NEBL: variants seen among roughly 807,000 people sequenced by gnomAD.
NEBL encodes LIM and SH3 protein 2.
Under a neutral mutation model 140.2 loss-of-function variants are expected in NEBL, and 122 were observed. The ratio of observed to expected loss-of-function variants is 0.87; its 90% CI spans 0.75 to 1.01. The LOEUF is 1.01. Ranked by LOEUF, NEBL falls within the 50% of genes least tolerant of loss-of-function variation. The pLI is 0.00. For missense variants in NEBL, 1,365 were observed against 1,231.3 expected (o/e 1.11, Z -1.62); for synonymous variants, 436 against 398.9 (o/e 1.09, Z -1.11).
intron 4 of NEBL, among the ~76,000 whole-genome samples, chr10:20,958,571 C>A (rs1482506793): frequency 1.3e-5 from 2 of 152,110 alleles, no homozygotes; most frequent in Non-Finnish European, 2.9e-5. Flanking sequence ...GCAACCAAAC[C>A]CCATCTGAAT....
At chr10:21,046,570 C>T (rs928963252) in intron 2 of NEBL, among the ~76,000 whole-genome samples, 10 of 152,136 alleles carry the variant, frequency 6.6e-5, no homozygotes, top group Admixed American at 2.0e-4. Context: ...GATTCTTTAG[C>T]GGCAGGTTAT....
At chr10:21,065,571 G>C (rs1835497005) in intron 2 of NEBL, among the ~76,000 whole-genome samples, 1 of 152,212 alleles carries the variant, frequency 6.6e-6, no homozygotes, top group Non-Finnish European at 1.5e-5. Flanking sequence ...GGTAGAAACT[G>C]TGCTAAAACA....
intron 3 of NEBL, among the ~76,000 whole-genome samples, chr10:21,197,428 T>A (rs1398723275): frequency 6.6e-6 from 1 of 152,212 alleles, no homozygotes; most frequent in Non-Finnish European, 1.5e-5. Flanking sequence ...CATTGATCCA[T>A]GTTTGTATAT....
At chr10:21,038,301 G>A (rs970172362) in intron 2 of NEBL, among the ~76,000 whole-genome samples, 8 of 152,218 alleles carry the variant, frequency 5.3e-5, no homozygotes, top group Non-Finnish European at 8.8e-5. Flanking sequence ...CTATCAACCC[G>A]TTATCTAGGT....
intron 2 of NEBL, among the ~76,000 whole-genome samples, chr10:21,075,095 G>A (rs1253960533): frequency 6.6e-6 from 1 of 151,954 alleles, no homozygotes; most frequent in Admixed American, 6.6e-5. Flanking sequence ...TGTGAGCCAC[G>A]ACACCCAGCC....
At chr10:21,227,035 T>C (rs371782154) in intron 3 of NEBL, among the ~76,000 whole-genome samples, 2 of 152,158 alleles carry the variant, frequency 1.3e-5, no homozygotes, top group South Asian at 2.1e-4. Context: ...ATTTCACCAA[T>C]TCAATTCTTA....
chr10:21,002,016 T>C (rs1180477877), intron 3 of NEBL, among the ~76,000 whole-genome samples: 1 of 152,158 alleles, frequency 6.6e-6, no homozygotes, highest in Non-Finnish European at 1.5e-5. Flanking sequence ...ATTAAGGTGA[T>C]TTGTTAGTTA....
At chr10:21,031,707 C>T (rs942560180) in intron 2 of NEBL, among the ~76,000 whole-genome samples, 4 of 152,202 alleles carry the variant, frequency 2.6e-5, no homozygotes, top group Non-Finnish European at 4.4e-5. Flanking sequence ...GGCAGTTTCT[C>T]CTTCTACCAT....
At chr10:21,122,425 G>T (rs1838623783) in intron 2 of NEBL, among the ~76,000 whole-genome samples, 1 of 152,070 alleles carries the variant, frequency 6.6e-6, no homozygotes, top group Admixed American at 6.6e-5. Flanking sequence ...AGTGACCTGA[G>T]AGTCTCACTT....
chr10:20,849,601 C>T (rs999587881), intron 11 of NEBL, among the ~76,000 whole-genome samples: 2 of 152,162 alleles, frequency 1.3e-5, no homozygotes, highest in African/African-American at 4.8e-5. Context: ...CACTCTCTGT[C>T]TTTCCACCTT....
At chr10:20,960,652 T>A (rs1836008951) in intron 4 of NEBL, among the ~76,000 whole-genome samples, 1 of 152,076 alleles carries the variant, frequency 6.6e-6, no homozygotes, top group African/African-American at 2.4e-5. Context: ...TGTATATGTG[T>A]GTATATATAC....
chr10:20,865,573 C>A (rs776814896), intron 7 of NEBL, among the ~76,000 whole-genome samples: 2 of 151,968 alleles, frequency 1.3e-5, no homozygotes, highest in Non-Finnish European at 2.9e-5. Context: ...ATCTTTGTCC[C>A]CAGAAAAGGG....
intron 2 of NEBL, among the ~76,000 whole-genome samples, chr10:20,895,321 TAAC>T (rs534497307): frequency 1.5e-3 from 230 of 152,160 alleles, no homozygotes; most frequent in African/African-American, 5.3e-3. Context: ...CTAATAATAG[TAAC>T]ATAATAATAA....
chr10:21,243,200 T>A (rs762759830), intron 3 of NEBL, among the ~76,000 whole-genome samples: 4 of 152,036 alleles, frequency 2.6e-5, no homozygotes, highest in African/African-American at 4.8e-5. Flanking sequence ...TAGACATCCA[T>A]TCAAGATATC....
chr10:21,276,315 T>C (rs902137642), intron 1 of NEBL, among the ~76,000 whole-genome samples: 3 of 152,138 alleles, frequency 2.0e-5, no homozygotes, highest in Non-Finnish European at 1.5e-5. Context: ...AGAATTTTTC[T>C]TCTACATGTC....
intron 2 of NEBL, among the ~76,000 whole-genome samples, chr10:21,050,264 T>A (rs1478275269): frequency 6.6e-6 from 1 of 152,262 alleles, no homozygotes; most frequent in African/African-American, 2.4e-5. Flanking sequence ...GGAAACTATC[T>A]GATTTCTGTT....
intron 1 of NEBL, among the ~76,000 whole-genome samples, chr10:21,263,087 A>G (rs1386245061): frequency 6.6e-6 from 1 of 152,170 alleles, no homozygotes; most frequent in Non-Finnish European, 1.5e-5. Context: ...GACAGTAATA[A>G]TAATAAGAGA....
chr10:21,210,160 G>A (rs762292563), intron 3 of NEBL, among the ~76,000 whole-genome samples: 11 of 152,180 alleles, frequency 7.2e-5, no homozygotes, highest in Non-Finnish European at 1.5e-4. Context: ...GGGAGGCCAA[G>A]ACAGGCAGAT....
chr10:20,818,058 T>C (rs1274393480), intron 20 of NEBL, among the ~76,000 whole-genome samples: 2 of 152,168 alleles, frequency 1.3e-5, no homozygotes, highest in African/African-American at 4.8e-5. Context: ...TAGAAGGCTT[T>C]TTACTGTCTT....
Sources: gnomAD v4.1 joint callset for allele counts (sites outside exome capture counted in the v4.1 genomes callset) on GRCh38, gnomAD v4.1.1 for gene constraint, MANE v1.5 for transcripts, NCBI Gene and HGNC (gene_info 2026-07-23, HGNC 2026-07-21) for gene names.